Variants in MACROD2 observed in about 807,000 individuals in gnomAD.
MACROD2 encodes mono-ADP ribosylhydrolase 2.
A neutral mutation model predicts 70.4 loss-of-function variants in MACROD2; 36 were observed. The observed-to-expected ratio is 0.51, with a 90% confidence interval of 0.39 to 0.68. The LOEUF (loss-of-function observed/expected upper bound fraction) is 0.68. MACROD2 is among the 30% of genes least tolerant of loss of function. The pLI is 0.00. For missense variants in MACROD2, 496 were observed against 538.4 expected (o/e 0.92, Z 0.78); for synonymous variants, 172 against 178.8 (o/e 0.96, Z 0.30).
At chr20:16,008,756 T>C (rs1292594935) in intron 15 of MACROD2, among the ~76,000 whole-genome samples, 1 of 152,208 alleles carries the variant, frequency 6.6e-6, no homozygotes, top group Non-Finnish European at 1.5e-5. Flanking sequence ...TAAAAGGCTA[T>C]ACTCCAAACC....
chr20:15,096,873 G>A (rs915633627), intron 5 of MACROD2, among the ~76,000 whole-genome samples: 4 of 144,034 alleles, frequency 2.8e-5, no homozygotes, highest in South Asian at 2.2e-4. Flanking sequence ...GTGCAGTGGC[G>A]TGATCTTGGC....
intron 6 of MACROD2, among the ~76,000 whole-genome samples, chr20:15,374,279 CAT>C (rs1337444561): frequency 6.6e-6 from 1 of 151,494 alleles, no homozygotes; most frequent in Admixed American, 6.6e-5. Context: ...TATATAATCA[CAT>C]ATATACACAT....
chr20:14,226,369 C>A (rs898604029), intron 3 of MACROD2, among the ~76,000 whole-genome samples: 4 of 152,236 alleles, frequency 2.6e-5, no homozygotes, highest in Non-Finnish European at 4.4e-5. Context: ...AGCCTTCGCT[C>A]GCTCTCGGCG....
chr20:14,236,913 G>C (rs2081879157), intron 3 of MACROD2, among the ~76,000 whole-genome samples: 1 of 151,798 alleles, frequency 6.6e-6, no homozygotes, highest in Non-Finnish European at 1.5e-5. Context: ...ATTTTTCTTG[G>C]ATCTAATTCC....
intron 4 of MACROD2, among the ~76,000 whole-genome samples, chr20:14,575,041 A>AAAAAAAT (rs1175447813): frequency 1.3e-3 from 30 of 23,898 alleles, no homozygotes; most frequent in African/African-American, 2.2e-3. Flanking sequence ...AAAAAAAAAA[A>AAAAAAAT]ATATTCACAA....
chr20:14,726,863 G>GA (rs1448353964), intron 5 of MACROD2, among the ~76,000 whole-genome samples: 4 of 152,026 alleles, frequency 2.6e-5, no homozygotes, highest in African/African-American at 9.6e-5. Context: ...GAATTACTTG[G>GA]AAAAAATCAC....
chr20:15,524,144 C>T (rs1369456571), intron 8 of MACROD2, among the ~76,000 whole-genome samples: 4 of 152,042 alleles, frequency 2.6e-5, no homozygotes, highest in South Asian at 2.1e-4. Context: ...ATATTTACAC[C>T]GAGGTCCTTG....
intron 5 of MACROD2, among the ~76,000 whole-genome samples, chr20:14,838,906 C>T (rs922933021): frequency 1.3e-5 from 2 of 152,044 alleles, no homozygotes; most frequent in African/African-American, 4.8e-5. Flanking sequence ...CACAACTGAG[C>T]AGGAGACATA....
chr20:14,769,110 A>T (rs1188835853), intron 5 of MACROD2, among the ~76,000 whole-genome samples: 1 of 152,100 alleles, frequency 6.6e-6, no homozygotes, highest in African/African-American at 2.4e-5. Flanking sequence ...ATGAGCTTAC[A>T]AAAAGAGATA....
intron 13 of MACROD2, among the ~76,000 whole-genome samples, chr20:15,975,031 G>GA (rs1297122417): frequency 6.6e-6 from 1 of 150,972 alleles, no homozygotes; most frequent in African/African-American, 2.4e-5. Flanking sequence ...TTTTTTATTT[G>GA]AAAAAAAAGT....
At chr20:15,508,881 G>A (rs1353865069) in intron 8 of MACROD2, among the ~76,000 whole-genome samples, 1 of 152,176 alleles carries the variant, frequency 6.6e-6, no homozygotes, top group East Asian at 1.9e-4. Context: ...AAGAGTCACA[G>A]AACCCATTCT....
At chr20:14,733,511 G>T (rs964198592) in intron 5 of MACROD2, among the ~76,000 whole-genome samples, 5 of 152,056 alleles carry the variant, frequency 3.3e-5, no homozygotes, top group African/African-American at 1.2e-4. Context: ...CTTTGTGAGG[G>T]CAAGGAGAGT....
At chr20:15,374,317 C>T (rs2045533155) in intron 6 of MACROD2, among the ~76,000 whole-genome samples, 1 of 151,468 alleles carries the variant, frequency 6.6e-6, no homozygotes, top group Non-Finnish European at 1.5e-5. Context: ...TATGTAATTA[C>T]ACTTACATAC....
At chr20:15,284,820 C>T (rs2077476805) in intron 6 of MACROD2, among the ~76,000 whole-genome samples, 1 of 152,144 alleles carries the variant, frequency 6.6e-6, no homozygotes, top group Non-Finnish European at 1.5e-5. Flanking sequence ...CTGCCATTTT[C>T]ATCATCTGTA....
intron 3 of MACROD2, among the ~76,000 whole-genome samples, chr20:14,249,128 GTTTTTTTTTT>G (rs1173672516): frequency 1.9e-5 from 2 of 103,078 alleles, no homozygotes; most frequent in East Asian, 3.3e-4. Flanking sequence ...GATTTCAAAG[GTTTTTTTTTT>G]TTTTTTTTTT....
chr20:15,151,362 G>T (rs894556972), intron 5 of MACROD2, among the ~76,000 whole-genome samples: 10 of 152,062 alleles, frequency 6.6e-5, no homozygotes, highest in Admixed American at 2.6e-4. Flanking sequence ...GGAAGTTCTT[G>T]TGTGCTGGAG....
At chr20:15,443,821 A>G (rs182876448) in intron 7 of MACROD2, among the ~76,000 whole-genome samples, 1 of 152,270 alleles carries the variant, frequency 6.6e-6, no homozygotes, top group Admixed American at 6.5e-5. Flanking sequence ...TCTAGAGATC[A>G]TACTCTGGAT....
intron 3 of MACROD2, among the ~76,000 whole-genome samples, chr20:14,429,467 A>G (rs2083970998): frequency 6.6e-6 from 1 of 152,230 alleles, no homozygotes; most frequent in African/African-American, 2.4e-5. Flanking sequence ...GAAAGAGATC[A>G]AGTAATGATC....
chr20:14,250,393 G>A (rs1431176278), intron 3 of MACROD2, among the ~76,000 whole-genome samples: 3 of 151,784 alleles, frequency 2.0e-5, no homozygotes, highest in African/African-American at 7.3e-5. Flanking sequence ...TGGAATACAT[G>A]ATAACCATTA....
Sources: allele counts gnomAD v4.1 joint callset (sites outside exome capture counted in the v4.1 genomes callset), GRCh38; gene constraint gnomAD v4.1.1; transcripts MANE v1.5; gene names NCBI Gene and HGNC (gene_info 2026-07-23, HGNC 2026-07-21).